The following TMBIM1 variants were observed in gnomAD, a reference collection of about 807,000 sequenced individuals.
TMBIM1 encodes transmembrane BAX inhibitor motif containing 1, also known as protein lifeguard 3.
Under a neutral mutation model 45.1 loss-of-function variants are expected in TMBIM1, and 34 were observed. The ratio of observed to expected loss-of-function variants is 0.75; its 90% CI spans 0.57 to 1.00. The LOEUF is 1.00. TMBIM1 is among the 50% of genes least tolerant of loss of function. The pLI, the probability that TMBIM1 is intolerant of heterozygous loss-of-function variation, is 0.00. For missense variants in TMBIM1, 374 were observed against 402.4 expected, an observed-to-expected ratio of 0.93 and a Z score of 0.60; for synonymous variants, 157 against 153.5, an observed-to-expected ratio of 1.02 and a Z score of -0.17.
chr2:218,275,334 C>G lies in TMBIM1; in HGVS notation c.*141G>C. The G allele has an allele frequency of 8.4e-7, 1 of 1,183,524 alleles. No individual in the cohort carries two copies. The highest frequency in any genetic ancestry group is 1.1e-6 in the Non-Finnish European group (1 of 871,574). The allele number at this position is 1,183,524 out of a possible 1,614,324, so 73.3% of individuals were successfully genotyped here. A position where few individuals can be genotyped will look rare whatever the true frequency, so the allele number is the denominator to read the frequency against. Reference sequence around the variant, plus strand: ...ACACATCCATAGCCAGAGAGGCCACCTGTCTCCAGGACAGAAAGGAAACTG... The same window carrying G: ...ACACATCCATAGCCAGAGAGGCCACGTGTCTCCAGGACAGAAAGGAAACTG... On this transcript the variant is annotated 3_prime_UTR_variant, in exon 12 of 12. Transcript: ENST00000258412.
chr2:218,280,007 C>T lies in TMBIM1; in HGVS notation c.303+19G>A, dbSNP rs374119891. On this transcript the variant is annotated intron_variant, in intron 3 of 11. Transcript: ENST00000258412. Reference sequence around the variant, plus strand: ...CCTGAGGGGCCCCAGGTACACCCACCTCCCAGCGCGTATCTTACCTTTCGG... The same window carrying T: ...CCTGAGGGGCCCCAGGTACACCCACTTCCCAGCGCGTATCTTACCTTTCGG... The T allele has an allele frequency of 3.7e-6, 6 of 1,609,174 alleles. No homozygotes were observed. The African/African-American group carries it at 6.7e-5, about 18-fold the overall frequency.
At chr2:218,275,720 G>T (rs1422528097) in intron 11 of TMBIM1, 99 bp from the exon 12 acceptor site, 1 of 1,419,884 alleles carries the variant, frequency 7.0e-7, no homozygotes, top group African/African-American at 1.4e-5. Flanking sequence ...GCGCCACACA[G>T]TGCTTAGGGC....
chr2:218,277,728 T>TG (rs1553657083), intron 7 of TMBIM1, 58 bp from the exon 8 acceptor site: 5 of 1,608,400 alleles, frequency 3.1e-6, no homozygotes. Context: ...GGCAGGGTGC[T>TG]GGGGGAGTGG....
chr2:218,289,158 T>C (rs1054304458), intron 1 of TMBIM1, among the ~76,000 whole-genome samples: 3 of 152,116 alleles, frequency 2.0e-5, no homozygotes, highest in African/African-American at 7.2e-5. Flanking sequence ...ATCAAAACGA[T>C]AGATAGAAAG....
rs143554766 is a variant in TMBIM1, at chr2:218,280,404, G to A, written c.203-278C>T. The stretch of plus-strand genomic sequence containing the variant: ...CACTGGGGGTTCACTGGGGGGTCAC[G>A]ATGTAGTGGGGAAGCCAGGCAGGAG... On this transcript the variant is annotated intron_variant, in intron 2 of 11. Transcript: ENST00000258412. 1,455 of 384,008 alleles carry A rather than the reference G, an allele frequency of 3.8e-3. 19 individuals carry two copies. Among genetic ancestry groups the A allele is most frequent in the African/African-American group, 0.025 (1,210 of 47,884 alleles). 23.8% of individuals were successfully genotyped at this position (384,008 alleles called of 1,614,324 possible). A position where few individuals can be genotyped will look rare whatever the true frequency, so the allele number is the denominator to read the frequency against.
intron 11 of TMBIM1, 44 bp downstream of exon 11, chr2:218,275,982 C>A: frequency 6.3e-7 from 1 of 1,589,696 alleles, no homozygotes; most frequent in Non-Finnish European, 8.6e-7. Flanking sequence ...GATTCCTCCC[C>A]TCATCCCCTC....
chr2:218,284,828 C>T (rs1341131937), intron 1 of TMBIM1, among the ~76,000 whole-genome samples: 5 of 152,348 alleles, frequency 3.3e-5, no homozygotes, highest in African/African-American at 9.6e-5. Context: ...CAGTGGCTCA[C>T]GCCTGTAATC....
chr2:218,279,396 T>C lies in TMBIM1; in HGVS notation c.304-43A>G, dbSNP rs578043350. The C allele has an allele frequency of 4.0e-6, 6 of 1,500,404 alleles. No homozygotes were observed. The South Asian group carries it at 8.1e-5, about 20-fold the overall frequency. 92.9% of individuals were successfully genotyped at this position (1,500,404 alleles called of 1,614,324 possible). On this transcript the variant is annotated intron_variant, in intron 3 of 11. Transcript: ENST00000258412. The stretch of plus-strand genomic sequence containing the variant: ...GGCATGGGTCACCATCCGGCACCCC[T>C]GGCCTGCCCCAGGAAGCTGCCAGCC...
Position 218,275,428 on chromosome 2 carries a change from G to C in TMBIM1, c.*47C>G. 6.3e-7 allele frequency: 1 copy of C among 1,586,950 alleles called. No homozygotes were observed. Among genetic ancestry groups the C allele is most frequent in the Non-Finnish European group, 8.6e-7 (1 of 1,166,820 alleles). On this transcript the variant is annotated 3_prime_UTR_variant, in exon 12 of 12. Transcript: ENST00000258412. ...CACAGTCATAGGGCCCAGCCCTCTA[G>C]CTTGGAAGGGAGAGCCCAGGATCGG...
intron 11 of TMBIM1, 111 bp from the exon 12 acceptor site, chr2:218,275,732 A>G: frequency 7.9e-7 from 1 of 1,272,124 alleles, no homozygotes; most frequent in South Asian, 1.5e-5. Flanking sequence ...GCTTAGGGCC[A>G]CATTAACGCA....
intron 1 of TMBIM1, chr2:218,284,279 G>C (rs1336923425): frequency 6.6e-6 from 1 of 152,206 alleles, no homozygotes; most frequent in East Asian, 1.9e-4. Context: ...GTGAAATAAG[G>C]TGGGGGCGAC....
At chr2:218,283,341 T>A (rs1302406713) in intron 1 of TMBIM1, among the ~76,000 whole-genome samples, 2 of 152,328 alleles carry the variant, frequency 1.3e-5, no homozygotes, top group African/African-American at 2.4e-5. Context: ...GCCTTCCAGA[T>A]CCTGGGTCCA....
intron 7 of TMBIM1, 69 bp from the exon 8 acceptor site, chr2:218,277,739 C>T (rs1470168508): frequency 1.2e-5 from 19 of 1,597,784 alleles, no homozygotes; most frequent in Non-Finnish European, 1.5e-5. Flanking sequence ...GGGGGAGTGG[C>T]CATGGTGGCC....
At chr2:218,277,142 C>A (rs375701370) in intron 9 of TMBIM1, 43 bp from the exon 10 acceptor site, 59 of 1,554,886 alleles carry the variant, frequency 3.8e-5, no homozygotes, top group African/African-American at 5.4e-5. Flanking sequence ...ATGGCTGTGA[C>A]AACCAGCCCA....
At chr2:218,290,953 C>T (rs1692892415) in intron 1 of TMBIM1, among the ~76,000 whole-genome samples, 1 of 152,186 alleles carries the variant, frequency 6.6e-6, no homozygotes, top group Non-Finnish European at 1.5e-5. Flanking sequence ...CTGGTCGTCC[C>T]AGTTCAGCCC....
intron 1 of TMBIM1, chr2:218,287,249 T>G (rs181866332): frequency 2.0e-4 from 31 of 152,426 alleles, no homozygotes; most frequent in African/African-American, 6.7e-4. Flanking sequence ...CCAAGAAAGT[T>G]CCTGCTCCAC....
chr2:218,284,772 G>A (rs1692365590), intron 1 of TMBIM1, among the ~76,000 whole-genome samples: 1 of 152,182 alleles, frequency 6.6e-6, no homozygotes, highest in Admixed American at 6.5e-5. Flanking sequence ...CCTCCACGGG[G>A]TTGCTATAAA....
intron 1 of TMBIM1, chr2:218,286,863 A>T (rs1692561965): frequency 6.6e-6 from 1 of 152,308 alleles, no homozygotes; most frequent in African/African-American, 2.4e-5. Context: ...CAGAGTGGAA[A>T]AAAATAGCTC....
At chr2:218,285,290 G>A (rs1172586826) in intron 1 of TMBIM1, among the ~76,000 whole-genome samples, 2 of 152,220 alleles carry the variant, frequency 1.3e-5, no homozygotes, top group Non-Finnish European at 2.9e-5. Context: ...CCTAGCTAGA[G>A]TGTGATGAAG....
Sources: gnomAD v4.1 joint callset for allele counts (sites outside exome capture counted in the v4.1 genomes callset) on GRCh38, gnomAD v4.1.1 for gene constraint, MANE v1.5 for transcripts, NCBI Gene and HGNC (gene_info 2026-07-23, HGNC 2026-07-21) for gene names.